HMGB1: variants seen among roughly 807,000 people sequenced by gnomAD.
HMGB1 encodes the protein high mobility group protein B1.
For synonymous variants in HMGB1, 81 were observed against 84.0 expected (o/e 0.96, Z 0.19); for missense variants, 79 against 253.5 (o/e 0.31, Z 4.67).
At chr13:30,521,507 T>C (rs897089094) in intron 1 of HMGB1, among the ~76,000 whole-genome samples, 3 of 152,238 alleles carry the variant, frequency 2.0e-5, no homozygotes, top group Admixed American at 1.3e-4. Context: ...TTCCTTAGCA[T>C]AATGTTTTCA....
Position 30,493,452 on chromosome 13 carries a change from G to C in HMGB1, c.-14-29758C>G, listed in dbSNP as rs1159220516. Among the ~76,000 whole-genome samples, 5 of 152,144 alleles carry C rather than the reference G, an allele frequency of 3.3e-5. No individual in the cohort carries two copies. In the East Asian group the frequency reaches 9.6e-4, roughly 29 times the overall value. Reference sequence around the variant, plus strand: ...GGATAAGGGAAACGAGAAAATCTGGGGGATGACAGGAATGTTCTGAACCTT... The same window carrying C: ...GGATAAGGGAAACGAGAAAATCTGGCGGATGACAGGAATGTTCTGAACCTT... On this transcript the variant is annotated intron_variant, in intron 1 of 4. Transcript: ENST00000405805.
At position 30,457,147 on chromosome 13, in the gene HMGB1, A is replaced by G. The variant is rs1361246447; in HGVS notation, c.*4210T>C. On this transcript the variant is annotated 3_prime_UTR_variant, in exon 5 of 5. Coordinates refer to ENST00000341423, the MANE Select transcript of HMGB1 (RefSeq NM_002128.7). ...ACTTATTTTTAAAATGGTATTTAGTATATCTGCAAAATTATTTATTTCTAG... is the reference window on the plus strand; with the variant it reads ...ACTTATTTTTAAAATGGTATTTAGTGTATCTGCAAAATTATTTATTTCTAG... The G allele has an allele frequency of 1.3e-5, 2 of 152,164 alleles. No homozygotes were observed. Among genetic ancestry groups the G allele is most frequent in the African/African-American group, 4.8e-5 (2 of 41,444 alleles). The allele number at this position is 152,164 out of a possible 1,614,324, so 9.4% of individuals were successfully genotyped here. A position where few individuals can be genotyped will look rare whatever the true frequency, so the allele number is the denominator to read the frequency against.
intron 1 of HMGB1, among the ~76,000 whole-genome samples, chr13:30,551,164 T>C (rs934647116): frequency 3.3e-5 from 5 of 152,254 alleles, no homozygotes; most frequent in Admixed American, 2.0e-4. Flanking sequence ...CCTACTATAA[T>C]GCAAGCAGTA....
intron 1 of HMGB1, among the ~76,000 whole-genome samples, chr13:30,476,111 GCA>G (rs1887089516): frequency 6.8e-6 from 1 of 146,592 alleles, no homozygotes; most frequent in Non-Finnish European, 1.5e-5. Context: ...ATCGCAGGTG[GCA>G]TGTACTTTTT....
intron 1 of HMGB1, among the ~76,000 whole-genome samples, chr13:30,533,866 CTTTT>C (rs398056244): frequency 7.0e-6 from 1 of 142,762 alleles, no homozygotes; most frequent in Non-Finnish European, 1.5e-5. Context: ...TAAAGACTAT[CTTTT>C]TTTTTTTTTT....
intron 1 of HMGB1, among the ~76,000 whole-genome samples, chr13:30,517,334 T>C (rs887740414): frequency 1.3e-5 from 2 of 152,274 alleles, no homozygotes; most frequent in East Asian, 3.8e-4. Context: ...CAACCTGCTC[T>C]GAGATTCTCA....
intron 1 of HMGB1, among the ~76,000 whole-genome samples, chr13:30,474,850 TTTTG>T (rs1887033834): frequency 6.7e-6 from 1 of 148,438 alleles, no homozygotes; most frequent in African/African-American, 2.5e-5. Flanking sequence ...CTCTCTCTTT[TTTTG>T]TTTTTTTTTT....
intron 1 of HMGB1, among the ~76,000 whole-genome samples, chr13:30,593,269 C>T (rs528763081): frequency 3.3e-5 from 5 of 152,258 alleles, no homozygotes; most frequent in Admixed American, 3.3e-4. Flanking sequence ...GGCATGTCAG[C>T]CTCTGATTAT....
chr13:30,617,400 G>A (rs993057869), exon 1 of HMGB1: 15 of 152,068 alleles, frequency 9.9e-5, no homozygotes, highest in Non-Finnish European at 1.5e-4. Context: ...GCGGACTACG[G>A]ATGCCCGGCG....
At chr13:30,573,526 T>A (rs1302888231) in intron 1 of HMGB1, among the ~76,000 whole-genome samples, 1 of 152,220 alleles carries the variant, frequency 6.6e-6, no homozygotes, top group African/African-American at 2.4e-5. Context: ...TTTGATAAGC[T>A]TTTCATTACA....
rs1886031706 is a variant in HMGB1 at position 30,457,315 on chromosome 13, CCA to C, written c.*4040_*4041del. On this transcript the variant is annotated 3_prime_UTR_variant, in exon 5 of 5. Transcript: ENST00000341423. ...TCCACTGACTTTCTATTTCTGGATT[CCA>C]GAGTCTGCATACCCTTGCCCACCAC... The C allele has an allele frequency of 6.6e-6, 1 of 152,180 alleles. No homozygotes were observed. The highest frequency in any genetic ancestry group is 1.5e-5 in the Non-Finnish European group (1 of 68,054). The allele number at this position is 152,180 out of a possible 1,614,324, so 9.4% of individuals were successfully genotyped here.
At chr13:30,610,937 G>C (rs899333563) in intron 1 of HMGB1, among the ~76,000 whole-genome samples, 1 of 152,108 alleles carries the variant, frequency 6.6e-6, no homozygotes, top group Non-Finnish European at 1.5e-5. Flanking sequence ...TTATTCATTA[G>C]TTTTTATCTA....
chr13:30,542,246 C>T (rs1426837302), intron 1 of HMGB1: 9 of 189,882 alleles, frequency 4.7e-5, no homozygotes, highest in South Asian at 1.2e-4. Flanking sequence ...CTCAGGTTCT[C>T]GAACTGTCAC....
At chr13:30,533,135 G>C (rs568882811) in intron 1 of HMGB1, among the ~76,000 whole-genome samples, 1 of 152,164 alleles carries the variant, frequency 6.6e-6, no homozygotes. Flanking sequence ...CATGCAGCAG[G>C]GGAGACAGAA....
chr13:30,554,091 T>C, intron 1 of HMGB1: 1 of 1,298,724 alleles, frequency 7.7e-7, no homozygotes, highest in Non-Finnish European at 1.1e-6. Flanking sequence ...AGAAACGGGA[T>C]TCAATGTGAA....
rs1318107307 is a variant in HMGB1, at chr13:30,499,140, A to C, written c.-14-35446T>G. On this transcript the variant is annotated intron_variant, in intron 1 of 4. Transcript: ENST00000405805. ...GCTAATTTTTATATTTTTAGTAGAG[A>C]CAAGGTTTTGCCATGTTGGCTAGGC... Among the ~76,000 whole-genome samples the C allele has an allele frequency of 2.0e-5, 3 of 151,912 alleles. 1 individual carries two copies. Among genetic ancestry groups the C allele is most frequent in the Non-Finnish European group, 4.4e-5 (3 of 67,976 alleles).
chr13:30,603,911 G>A (rs954568432), intron 1 of HMGB1, among the ~76,000 whole-genome samples: 8 of 151,928 alleles, frequency 5.3e-5, no homozygotes, highest in African/African-American at 1.9e-4. Flanking sequence ...TTTTTTTCTC[G>A]TCTAATATTA....
intron 1 of HMGB1, among the ~76,000 whole-genome samples, chr13:30,552,713 T>C (rs184155849): frequency 2.0e-5 from 3 of 152,372 alleles, no homozygotes. Flanking sequence ...GATAAATGAA[T>C]GAATGAATGC....
chr13:30,509,382 G>T (rs990334286), intron 1 of HMGB1, among the ~76,000 whole-genome samples: 2 of 152,024 alleles, frequency 1.3e-5, no homozygotes, highest in African/African-American at 4.8e-5. Flanking sequence ...GGGACTACAG[G>T]TGTGTACCAC....
Sources: gnomAD v4.1 joint callset for allele counts (sites outside exome capture counted in the v4.1 genomes callset) on GRCh38, gnomAD v4.1.1 for gene constraint, MANE v1.5 for transcripts, NCBI Gene and HGNC (gene_info 2026-07-23, HGNC 2026-07-21) for gene names.